LINGO2: variants seen among roughly 807,000 people sequenced by gnomAD.
The protein encoded by LINGO2 is leucine rich repeat and Ig domain containing 2.
LINGO2 carries 14 observed loss-of-function variants against 30.6 expected under a neutral mutation model. The observed-to-expected ratio is 0.46, with a 90% CI of 0.30 to 0.72. LINGO2 has a LOEUF of 0.72. Ranked by LOEUF, LINGO2 falls within the 30% of genes least tolerant of loss-of-function variation. LINGO2 has a pLI of 0.07. For synonymous variants in LINGO2, 317 were observed against 288.5 expected, an observed-to-expected ratio of 1.10 and a Z score of -1.00; for missense variants, 729 against 751.7, an observed-to-expected ratio of 0.97 and a Z score of 0.35.
chr9:29,159,760 A>G, the LINGO2 span, among the ~76,000 whole-genome samples: 2 of 151,762 alleles, frequency 1.3e-5, no homozygotes, highest in African/African-American at 4.8e-5. Flanking sequence ...CCGGAAGCAG[A>G]GACAAGAGAA....
intron 1 of LINGO2, among the ~76,000 whole-genome samples, chr9:28,627,070 C>T (rs555460674): frequency 2.0e-5 from 3 of 151,792 alleles, no homozygotes; most frequent in South Asian, 2.1e-4. Flanking sequence ...TTTTTAAGTA[C>T]TGAACTTTGT....
At chr9:28,039,520 T>C (rs1460816390) in intron 4 of LINGO2, among the ~76,000 whole-genome samples, 1 of 152,182 alleles carries the variant, frequency 6.6e-6, no homozygotes, top group African/African-American at 2.4e-5. Context: ...TGTGTGTGTG[T>C]ATGTAAAAAG....
At chr9:28,673,878 A>G (rs1373347245), upstream of LINGO2, among the ~76,000 whole-genome samples, 1 of 152,068 alleles carries the variant, frequency 6.6e-6, no homozygotes, top group Non-Finnish European at 1.5e-5. Flanking sequence ...AACAGAAGAC[A>G]AAAAGTAGGA....
At chr9:28,692,250 G>A in the LINGO2 span, among the ~76,000 whole-genome samples, 14 of 152,044 alleles carry the variant, frequency 9.2e-5, no homozygotes, top group African/African-American at 3.1e-4. Flanking sequence ...TGAGGTCGGC[G>A]GATCACCTGA....
chr9:28,660,718 T>A (rs1188306138), intron 1 of LINGO2, among the ~76,000 whole-genome samples: 2 of 152,140 alleles, frequency 1.3e-5, no homozygotes, highest in African/African-American at 4.8e-5. Flanking sequence ...CTAGGCATAA[T>A]GGTTATGCAT....
At chr9:29,126,742 C>G in the LINGO2 span, among the ~76,000 whole-genome samples, 1 of 152,018 alleles carries the variant, frequency 6.6e-6, no homozygotes, top group African/African-American at 2.4e-5. Context: ...AAACTGAAAG[C>G]TGCTGGAAAT....
chr9:28,277,846 A>AC (rs1470524952), intron 4 of LINGO2, among the ~76,000 whole-genome samples: 5 of 146,408 alleles, frequency 3.4e-5, no homozygotes, highest in Admixed American at 2.0e-4. Context: ...ACAAAAAAAA[A>AC]AAACAAAAAA....
At chr9:29,019,761 A>AT in the LINGO2 span, among the ~76,000 whole-genome samples, 1,446 of 152,200 alleles carry the variant, frequency 9.5e-3, 22 homozygotes, top group African/African-American at 0.033. Flanking sequence ...ACAAGAAAAT[A>AT]TTTTTTTTTT....
At chr9:28,487,093 A>G (rs1193898904) in intron 1 of LINGO2, among the ~76,000 whole-genome samples, 1 of 152,122 alleles carries the variant, frequency 6.6e-6, no homozygotes, top group African/African-American at 2.4e-5. Context: ...GATGGAAGAA[A>G]GCCCATATAA....
chr9:28,708,201 G>T, the LINGO2 span, among the ~76,000 whole-genome samples: 1 of 152,046 alleles, frequency 6.6e-6, no homozygotes, highest in Non-Finnish European at 1.5e-5. Flanking sequence ...GGCATGTTTC[G>T]CAGGCATTAA....
intron 4 of LINGO2, among the ~76,000 whole-genome samples, chr9:28,135,102 C>T (rs1487336970): frequency 6.6e-6 from 1 of 152,142 alleles, no homozygotes; most frequent in Non-Finnish European, 1.5e-5. Context: ...TGGTTGTACT[C>T]TATGAAGAAG....
At chr9:28,390,357 A>G (rs562369236) in intron 2 of LINGO2, among the ~76,000 whole-genome samples, 30 of 152,296 alleles carry the variant, frequency 2.0e-4, no homozygotes, top group African/African-American at 7.2e-4. Flanking sequence ...ATTCACATCT[A>G]TGCATAATGG....
intron 3 of LINGO2, among the ~76,000 whole-genome samples, chr9:28,308,944 A>G (rs979243059): frequency 3.9e-5 from 6 of 152,106 alleles, no homozygotes; most frequent in African/African-American, 4.8e-5. Flanking sequence ...AGGTGCTGGA[A>G]AGGATGTGGA....
the LINGO2 span, among the ~76,000 whole-genome samples, chr9:28,885,487 T>TTATATA: frequency 2.8e-4 from 41 of 145,940 alleles, no homozygotes; most frequent in East Asian, 6.0e-4. Flanking sequence ...ATATACACGT[T>TTATATA]TATATATATA....
the LINGO2 span, among the ~76,000 whole-genome samples, chr9:29,086,041 G>A: frequency 6.6e-6 from 1 of 152,214 alleles, no homozygotes; most frequent in East Asian, 1.9e-4. Flanking sequence ...GAAAAGGTGG[G>A]AAAGGATGCT....
chr9:28,782,377 G>A, the LINGO2 span, among the ~76,000 whole-genome samples: 1 of 152,162 alleles, frequency 6.6e-6, no homozygotes, highest in African/African-American at 2.4e-5. Context: ...TGCATTACTT[G>A]ATCATCTACT....
At chr9:28,875,078 T>A in the LINGO2 span, among the ~76,000 whole-genome samples, 1 of 152,094 alleles carries the variant, frequency 6.6e-6, no homozygotes, top group Non-Finnish European at 1.5e-5. Flanking sequence ...AAAACACAAG[T>A]AGAAATTACA....
the LINGO2 span, among the ~76,000 whole-genome samples, chr9:28,780,460 C>CT: frequency 1.3e-5 from 2 of 152,052 alleles, no homozygotes; most frequent in African/African-American, 2.4e-5. Context: ...CAGCTTAGCA[C>CT]TATGTGGCTA....
intron 1 of LINGO2, among the ~76,000 whole-genome samples, chr9:28,516,182 A>T (rs2135383473): frequency 6.6e-6 from 1 of 152,292 alleles, no homozygotes; most frequent in South Asian, 2.1e-4. Flanking sequence ...GAAACCAATA[A>T]TTTCATGTGA....
Sources: gnomAD v4.1 joint callset for allele counts (sites outside exome capture counted in the v4.1 genomes callset) on GRCh38, gnomAD v4.1.1 for gene constraint, MANE v1.5 for transcripts, NCBI Gene and HGNC (gene_info 2026-07-23, HGNC 2026-07-21) for gene names.